The following LETM1 variants were observed in gnomAD, a reference collection of about 807,000 sequenced individuals.
The protein encoded by LETM1 is leucine zipper and EF-hand containing transmembrane protein 1, also known as mitochondrial proton/calcium exchanger protein.
Under a neutral mutation model 74.5 loss-of-function variants are expected in LETM1, and 50 were observed. That is an observed-to-expected ratio of 0.67 (90% CI 0.53 to 0.85). The LOEUF (loss-of-function observed/expected upper bound fraction) is 0.85, where lower values mean the gene tolerates loss of function less well. Among genes scored for constraint, LETM1 ranks in the 40% least tolerant of loss-of-function variants. The pLI is 0.00. For synonymous variants in LETM1, 446 were observed against 407.1 expected, an observed-to-expected ratio of 1.10 and a Z score of -1.15; for missense variants, 824 against 967.8, an observed-to-expected ratio of 0.85 and a Z score of 1.97.
In LETM1 at chr4:1,835,095, T is replaced by C. The variant is rs1486634238; in HGVS notation, c.739-113A>G. The C allele has an allele frequency of 4.1e-6, 4 of 984,930 alleles. No individual in the cohort carries two copies. In the African/African-American group the frequency reaches 4.9e-5, roughly 12 times the overall value. 61.0% of individuals were successfully genotyped at this position (984,930 alleles called of 1,614,324 possible). On this transcript the variant is annotated intron_variant, in intron 4 of 13. Coordinates refer to ENST00000302787, the MANE Select transcript of LETM1 (RefSeq NM_012318.3). The stretch of plus-strand genomic sequence containing the variant: ...CTCCCAGAAACATTTCACAACACAC[T>C]GACTCTCATCTAAGTGCAATACATT...
At chr4:1,838,126 G>T (rs1560497771) in intron 3 of LETM1, among the ~76,000 whole-genome samples, 1 of 151,838 alleles carries the variant, frequency 6.6e-6, no homozygotes, top group Non-Finnish European at 1.5e-5. Flanking sequence ...TTGAGATGGA[G>T]TCTCACTCTG....
At chr4:1,855,594 AG>A (rs1241995043) in intron 1 of LETM1, among the ~76,000 whole-genome samples, 2 of 152,208 alleles carry the variant, frequency 1.3e-5, no homozygotes, top group Non-Finnish European at 2.9e-5. Flanking sequence ...AGGGCTGCCC[AG>A]CCCTTCAGAA....
chr4:1,814,259 C>T lies in LETM1; in HGVS notation c.*165G>A. ...TTCCGGGATTCCAGACAGACTGAAT[C>T]TCCGTGGAATGATGAAAATTAAAAT... On this transcript the variant is annotated 3_prime_UTR_variant, in exon 14 of 14. Transcript: ENST00000302787. The T allele has an allele frequency of 3.6e-6, 4 of 1,124,022 alleles. No homozygotes were observed. The South Asian group carries it at 4.4e-5, about 12-fold the overall frequency. 69.6% of individuals were successfully genotyped at this position (1,124,022 alleles called of 1,614,324 possible).
In LETM1 at chr4:1,841,510, G is replaced by T. The variant is rs376547370; in HGVS notation, c.431C>A (p.Pro144His). 2 of 1,614,210 alleles carry T rather than the reference G, an allele frequency of 1.2e-6. No individual in the cohort carries two copies. Among genetic ancestry groups the T allele is most frequent in the African/African-American group, 1.3e-5 (1 of 75,050 alleles). ...GGACTTCTTCACCACCACCTCTGCG[G>T]GGGGGCTGTACACCGGGCCGCCTTC... ...LEEGGPVYSP[P>H]AEVVVKKSLG... is the part of the protein sequence containing the mutation. Residue 144 changes from proline (P) to histidine (H), a missense_variant, in exon 3 of 14, where the codon CCC becomes CAC. Pro to His is a moderately conservative substitution (Grantham distance 77, BLOSUM62 -2). This residue lies in a region of LETM1 where 222 missense variants were observed against 195.6 expected (regional missense o/e 1.14). Transcript: ENST00000302787.
intron 8 of LETM1, 71 bp from the exon 9 acceptor site, chr4:1,823,202 C>G: frequency 6.7e-7 from 1 of 1,484,538 alleles, no homozygotes. Flanking sequence ...TCACCTCTGT[C>G]CTGTGTCCTG....
intron 3 of LETM1, among the ~76,000 whole-genome samples, chr4:1,840,619 G>T (rs976376590): frequency 6.6e-6 from 1 of 151,976 alleles, no homozygotes; most frequent in Non-Finnish European, 1.5e-5. Context: ...AGCGAGCCGA[G>T]ATCGCACCAC....
intron 13 of LETM1, among the ~76,000 whole-genome samples, chr4:1,815,109 C>A (rs1231380115): frequency 1.3e-5 from 2 of 152,220 alleles, no homozygotes; most frequent in Non-Finnish European, 2.9e-5. Context: ...AATTGGTGTG[C>A]GCACTCAGGC....
At chr4:1,828,330 A>C (rs1418263675) in intron 6 of LETM1, among the ~76,000 whole-genome samples, 15 of 32,412 alleles carry the variant, frequency 4.6e-4, no homozygotes, top group Non-Finnish European at 5.4e-4. Flanking sequence ...AGGGGGGCTG[A>C]CCCCCCCCAC....
At chr4:1,837,119 G>T (rs952374078) in intron 3 of LETM1, among the ~76,000 whole-genome samples, 1 of 152,234 alleles carries the variant, frequency 6.6e-6, no homozygotes, top group African/African-American at 2.4e-5. Context: ...AGAAATCCCT[G>T]TGAAGCCTGA....
chr4:1,842,732 C>T (rs984725321), intron 2 of LETM1, among the ~76,000 whole-genome samples: 5 of 152,250 alleles, frequency 3.3e-5, no homozygotes, highest in Non-Finnish European at 7.3e-5. Flanking sequence ...GCCGCCTGTG[C>T]CATATCCACC....
chr4:1,815,617 T>A, intron 13 of LETM1, 47 bp downstream of exon 13: 1 of 1,607,858 alleles, frequency 6.2e-7, no homozygotes, highest in East Asian at 2.2e-5. Flanking sequence ...CCCACCCCAC[T>A]CCAGAGCAGG....
intron 11 of LETM1, among the ~76,000 whole-genome samples, chr4:1,818,207 T>G (rs1577309353): frequency 6.6e-6 from 1 of 152,144 alleles, no homozygotes; most frequent in Non-Finnish European, 1.5e-5. Context: ...TCACATCCAG[T>G]GGAGAACCCA....
chr4:1,823,925 G>A (rs1242269744), intron 7 of LETM1, 150 bp from the exon 8 acceptor site: 8 of 918,464 alleles, frequency 8.7e-6, no homozygotes, highest in Admixed American at 3.0e-5. Context: ...TGCGTGACCC[G>A]ATGACGGCGT....
Position 1,822,166 on chromosome 4 carries a change from A to G in LETM1, c.1608+15T>C. ...CCCTCCTCAGCCTCCAGGGCCCCAG[A>G]ACCTGCCTCATTACCTTCAAGCCCT... On this transcript the variant is annotated intron_variant, in intron 10 of 13. Transcript: ENST00000302787. 1 of 1,397,928 alleles carries G rather than the reference A, an allele frequency of 7.2e-7. No homozygotes were observed. The highest frequency in any genetic ancestry group is 1.8e-5 in the South Asian group (1 of 56,084). The allele number at this position is 1,397,928 out of a possible 1,614,324, so 86.6% of individuals were successfully genotyped here.
intron 10 of LETM1, 45 bp downstream of exon 10, chr4:1,822,136 C>A (rs1024000552): frequency 2.2e-6 from 3 of 1,360,482 alleles, no homozygotes; most frequent in Non-Finnish European, 2.9e-6. Flanking sequence ...CAAAGCCAGG[C>A]CATGCCCTCC....
chr4:1,855,558 C>G (rs1713211746), intron 1 of LETM1, among the ~76,000 whole-genome samples: 2 of 152,276 alleles, frequency 1.3e-5, no homozygotes, highest in Non-Finnish European at 2.9e-5. Context: ...ACACGTTCCA[C>G]CAAGCTTACT....
Position 1,836,628 on chromosome 4 carries a change from AG to A in LETM1, c.595-57del, listed in dbSNP as rs1712471594. 1.6e-5 allele frequency: 26 copies of A among 1,588,132 alleles called. No individual in the cohort carries two copies. The highest frequency in any genetic ancestry group is 2.2e-5 in the Non-Finnish European group (26 of 1,159,432). ...CAGAGCACATGTGGGAACAAGGGCAAGGGGTGTGAGCATTTCTCCTATAATG... is the reference window on the plus strand; with the variant it reads ...CAGAGCACATGTGGGAACAAGGGCAAGGGTGTGAGCATTTCTCCTATAATG... On this transcript the variant is annotated intron_variant, in intron 3 of 13. Transcript: ENST00000302787. This position sits in a 1 kb window ranked among gnomAD's most constrained non-coding sequence, Gnocchi z 5.8.
chr4:1,846,322 G>A (rs1410359339), intron 2 of LETM1, among the ~76,000 whole-genome samples: 3 of 152,102 alleles, frequency 2.0e-5, no homozygotes, highest in Admixed American at 2.0e-4. Flanking sequence ...GTACAGTGGC[G>A]CCATCTTGGC....
chr4:1,811,567 T>C lies in LETM1; in HGVS notation c.*2857A>G, dbSNP rs1722470950. The C allele has an allele frequency of 4.0e-5, 6 of 151,894 alleles. No homozygotes were observed. The highest frequency in any genetic ancestry group is 3.9e-4 in the Admixed American group (6 of 15,252). The allele number at this position is 151,894 out of a possible 1,614,324, so 9.4% of individuals were successfully genotyped here. On this transcript the variant is annotated 3_prime_UTR_variant, in exon 14 of 14. Transcript: ENST00000302787. ...GCCCAGGACGGGCTGTCCGGTGGAGTCAGCCGTAGGACCCCTGAAGGATTT... is the reference window on the plus strand; with the variant it reads ...GCCCAGGACGGGCTGTCCGGTGGAGCCAGCCGTAGGACCCCTGAAGGATTT...
Sources: gnomAD v4.1 joint callset for allele counts (sites outside exome capture counted in the v4.1 genomes callset) on GRCh38, gnomAD v4.1.1 for gene constraint, gnomAD v4.1.1 regional missense constraint, Gnocchi (gnomAD v3.1) non-coding constraint, MANE v1.5 for transcripts, NCBI Gene and HGNC (gene_info 2026-07-23, HGNC 2026-07-21) for gene names.